The following RYR2 variants were observed in gnomAD, a reference collection of about 807,000 sequenced individuals.
The protein encoded by RYR2 is ryanodine receptor 2, also known as cardiac muscle ryanodine receptor-calcium release channel.
Under a neutral mutation model 601.1 loss-of-function variants are expected in RYR2, and 227 were observed. That is an observed-to-expected ratio of 0.38 (90% CI 0.34 to 0.42). RYR2 has a LOEUF of 0.42. RYR2 is among the 10% of genes least tolerant of loss of function. The pLI, the probability that RYR2 is intolerant of heterozygous loss-of-function variation, is 1.00. For synonymous variants in RYR2, 2,223 were observed against 2,175.1 expected (o/e 1.02, Z -0.61); for missense variants, 4,646 against 6,156.5 (o/e 0.75, Z 8.21).
chr1:237,334,830 T>C (rs886968414), intron 3 of RYR2, among the ~76,000 whole-genome samples: 1 of 152,164 alleles, frequency 6.6e-6, no homozygotes, highest in Non-Finnish European at 1.5e-5. Flanking sequence ...ATGGATGATA[T>C]AGCATAGGGT....
At chr1:237,184,921 G>A (rs1679185057) in intron 1 of RYR2, among the ~76,000 whole-genome samples, 1 of 150,228 alleles carries the variant, frequency 6.7e-6, no homozygotes, top group Non-Finnish European at 1.5e-5. Flanking sequence ...CCAAGGCTGA[G>A]TGCAGTGGCA....
chr1:237,741,155 G>C (rs919757833), intron 79 of RYR2, among the ~76,000 whole-genome samples: 6 of 152,118 alleles, frequency 3.9e-5, no homozygotes, highest in Non-Finnish European at 8.8e-5. Flanking sequence ...CTATGCTCAT[G>C]TGCCTATCAT....
At chr1:237,356,345 C>G (rs1035744526) in intron 4 of RYR2, among the ~76,000 whole-genome samples, 1 of 151,062 alleles carries the variant, frequency 6.6e-6, no homozygotes. Flanking sequence ...TGTTTAATCT[C>G]AAAATTCCAC....
intron 76 of RYR2, among the ~76,000 whole-genome samples, chr1:237,729,602 T>C (rs984306390): frequency 1.3e-5 from 2 of 152,194 alleles, no homozygotes; most frequent in Non-Finnish European, 2.9e-5. Context: ...GTTCCCTTCA[T>C]GACATTCTTT....
intron 71 of RYR2, 55 bp from the exon 72 acceptor site, chr1:237,717,143 G>T: frequency 6.5e-7 from 1 of 1,531,576 alleles, no homozygotes; most frequent in Non-Finnish European, 9.0e-7. Flanking sequence ...AGTCATAGTG[G>T]TTCTACATGT....
intron 72 of RYR2, among the ~76,000 whole-genome samples, chr1:237,717,785 G>A (rs1218510301): frequency 6.6e-6 from 1 of 152,138 alleles, no homozygotes; most frequent in African/African-American, 2.4e-5. Flanking sequence ...GTTCTCCTCT[G>A]CAAGATTTAA....
chr1:237,770,339 A>C (rs1450213042), intron 84 of RYR2, among the ~76,000 whole-genome samples: 1 of 152,224 alleles, frequency 6.6e-6, no homozygotes, highest in Admixed American at 6.5e-5. Context: ...TCCATGAATT[A>C]TTCTTTAATA....
chr1:237,479,574 A>ACTGATTAATCAGTATTTGT (rs371033293), intron 17 of RYR2, among the ~76,000 whole-genome samples: 1,752 of 152,332 alleles, frequency 0.012, 28 homozygotes, highest in East Asian at 0.089. Context: ...TTTTGGAAGA[A>ACTGATTAATCAGTATTTGT]CTTGCTCCAG....
chr1:237,685,606 A>G (rs564148175), intron 62 of RYR2, among the ~76,000 whole-genome samples: 7 of 152,340 alleles, frequency 4.6e-5, no homozygotes, highest in East Asian at 1.9e-4. Context: ...ATTGGAGTAC[A>G]GGGATCCAAA....
At chr1:237,487,576 A>T (rs1258520637) in intron 17 of RYR2, among the ~76,000 whole-genome samples, 2 of 146,568 alleles carry the variant, frequency 1.4e-5, no homozygotes, top group African/African-American at 2.6e-5. Flanking sequence ...AAAAAAAAAA[A>T]GCTCAGCATG....
At chr1:237,513,360 A>G (rs1057022990) in intron 24 of RYR2, among the ~76,000 whole-genome samples, 10 of 152,212 alleles carry the variant, frequency 6.6e-5, no homozygotes, top group Non-Finnish European at 1.0e-4. Context: ...TATATTACGT[A>G]CAAAACTCTA....
At chr1:237,538,239 A>T (rs942630939) in intron 25 of RYR2, among the ~76,000 whole-genome samples, 52 of 151,004 alleles carry the variant, frequency 3.4e-4, no homozygotes, top group Admixed American at 1.3e-3. Flanking sequence ...AAAATAAAAA[A>T]AAAAAATTAG....
At chr1:237,792,739 A>G (rs1382444157) in intron 94 of RYR2, among the ~76,000 whole-genome samples, 2 of 152,208 alleles carry the variant, frequency 1.3e-5, no homozygotes, top group Non-Finnish European at 2.9e-5. Flanking sequence ...AATTATTCAC[A>G]TAGAGAATTT....
intron 29 of RYR2, among the ~76,000 whole-genome samples, chr1:237,578,520 C>G (rs1371687542): frequency 2.0e-5 from 3 of 152,194 alleles, no homozygotes; most frequent in Non-Finnish European, 4.4e-5. Context: ...AGCCTATTTC[C>G]AAAGGGAAGT....
At chr1:237,514,790 A>T (rs142519011) in intron 24 of RYR2, among the ~76,000 whole-genome samples, 14 of 152,184 alleles carry the variant, frequency 9.2e-5, no homozygotes, top group African/African-American at 3.4e-4. Context: ...TAGAATGAGG[A>T]TCATAATGTA....
At chr1:237,786,689 A>T (rs1192871715) in intron 91 of RYR2, among the ~76,000 whole-genome samples, 1 of 152,232 alleles carries the variant, frequency 6.6e-6, no homozygotes, top group African/African-American at 2.4e-5. Context: ...GAATAATCGA[A>T]GCCTACATCT....
chr1:237,643,856 C>T (rs11587550), intron 48 of RYR2, among the ~76,000 whole-genome samples: 19,767 of 152,124 alleles, frequency 0.13, 1,486 homozygotes, highest in African/African-American at 0.21. Context: ...CCTCGTGATC[C>T]GCCTGCCTTG....
rs563770817 is a variant in RYR2 at position 237,641,094 on chromosome 1, A to G, written c.7221+92A>G. ...AAGAGCATAACAGCATCCAAAACCA[A>G]TAATCTTCATGCTCCATTAAAAATA... On this transcript the variant is annotated intron_variant, in intron 47 of 104. Coordinates refer to ENST00000366574, the MANE Select transcript of RYR2 (RefSeq NM_001035.3). 4.9e-5 allele frequency: 36 copies of G among 731,926 alleles called. No individual in the cohort carries two copies. The Admixed American group carries it at 9.4e-4, about 19-fold the overall frequency. 45.3% of individuals were successfully genotyped at this position (731,926 alleles called of 1,614,324 possible).
At chr1:237,577,715 A>T (rs1222580387) in intron 29 of RYR2, among the ~76,000 whole-genome samples, 1 of 152,188 alleles carries the variant, frequency 6.6e-6, no homozygotes, top group African/African-American at 2.4e-5. Flanking sequence ...TATTTTTAAA[A>T]GAACCAACTA....
Sources: gnomAD v4.1 joint callset for allele counts (sites outside exome capture counted in the v4.1 genomes callset) on GRCh38, gnomAD v4.1.1 for gene constraint, MANE v1.5 for transcripts, NCBI Gene and HGNC (gene_info 2026-07-23, HGNC 2026-07-21) for gene names.